The following PCDHA4 variants were observed in gnomAD, a reference collection of about 807,000 sequenced individuals.
PCDHA4 encodes the protein protocadherin alpha 4.
A neutral mutation model predicts 61.4 loss-of-function variants in PCDHA4; 49 were observed. The ratio of observed to expected loss-of-function variants is 0.80; its 90% CI spans 0.63 to 1.01. The LOEUF is 1.01. Among genes scored for constraint, PCDHA4 ranks in the 50% least tolerant of loss-of-function variants. The probability of loss-of-function intolerance (pLI) is 0.00; values close to 1 mark genes in which losing one functional copy is unlikely to be tolerated. For synonymous variants in PCDHA4, 590 were observed against 550.3 expected, an observed-to-expected ratio of 1.07 and a Z score of -1.01; for missense variants, 1,254 against 1,235.8, an observed-to-expected ratio of 1.01 and a Z score of -0.22.
chr5:140,824,002 G>T (rs1554129685), intron 1 of PCDHA4: 7 of 1,614,092 alleles, frequency 4.3e-6, no homozygotes, highest in Non-Finnish European at 5.9e-6. Flanking sequence ...GTGCTCCAGC[G>T]CGGTGGGGAG....
intron 1 of PCDHA4, chr5:140,836,792 G>T (rs2150269946): frequency 7.1e-7 from 1 of 1,416,460 alleles, no homozygotes; most frequent in Non-Finnish European, 9.6e-7. Context: ...AGTTCAATTG[G>T]TCTCCTTAAA....
chr5:140,884,339 G>C, intron 1 of PCDHA4: 1 of 1,613,906 alleles, frequency 6.2e-7, no homozygotes, highest in African/African-American at 1.3e-5. Flanking sequence ...GGGTCCAGAA[G>C]CGGCGCTGGT....
chr5:140,857,812 C>T lies in PCDHA4; in HGVS notation c.2385+48240C>T. ...TGCTGCGGTCGGTGGTTGCGGGTCACGTGGTGGCTAAGGTGCGCGCAGTGG... is the reference window on the plus strand; with the variant it reads ...TGCTGCGGTCGGTGGTTGCGGGTCATGTGGTGGCTAAGGTGCGCGCAGTGG... On this transcript the variant is annotated intron_variant, in intron 1 of 3. Transcript: ENST00000530339. 3.1e-6 allele frequency: 5 copies of T among 1,597,698 alleles called. 1 individual carries two copies. The highest frequency in any genetic ancestry group is 2.2e-5 in the East Asian group (1 of 44,814).
At chr5:140,818,969 G>C (rs1766467642) in intron 1 of PCDHA4, among the ~76,000 whole-genome samples, 1 of 152,210 alleles carries the variant, frequency 6.6e-6, no homozygotes, top group Non-Finnish European at 1.5e-5. Flanking sequence ...TCAGGGATAT[G>C]TTAGAACTAT....
intron 1 of PCDHA4, chr5:140,814,803 A>C (rs1554126605): frequency 1.3e-5 from 2 of 152,094 alleles, no homozygotes; most frequent in Non-Finnish European, 2.9e-5. Context: ...ACAACACTTG[A>C]CTTTATTGTA....
intron 1 of PCDHA4, chr5:140,870,927 T>C (rs782446287): frequency 1.9e-6 from 3 of 1,613,880 alleles, no homozygotes; most frequent in Non-Finnish European, 2.5e-6. Context: ...GGCTTTCATA[T>C]GAATTGCAGC....
chr5:140,894,584 T>G (rs1554186162), intron 1 of PCDHA4, among the ~76,000 whole-genome samples: 1 of 152,006 alleles, frequency 6.6e-6, no homozygotes, highest in Non-Finnish European at 1.5e-5. Flanking sequence ...TTTTAATATT[T>G]TACTGAGTTT....
At chr5:140,856,019 C>G in intron 1 of PCDHA4, 1 of 1,551,820 alleles carries the variant, frequency 6.4e-7, no homozygotes, top group Non-Finnish European at 8.7e-7. Flanking sequence ...ACCGCTGATT[C>G]GTCGATTTGT....
intron 1 of PCDHA4, chr5:140,927,510 G>A: frequency 1.9e-6 from 3 of 1,614,090 alleles, no homozygotes; most frequent in Non-Finnish European, 2.5e-6. Flanking sequence ...TTACAGCTCG[G>A]GACGGCGGGC....
chr5:140,838,087 T>TA (rs1775519591), intron 1 of PCDHA4, among the ~76,000 whole-genome samples: 48 of 97,638 alleles, frequency 4.9e-4, no homozygotes, highest in South Asian at 9.2e-4. Flanking sequence ...AGTGTGTGTG[T>TA]GTGTGTGTGT....
intron 1 of PCDHA4, chr5:140,926,922 T>A: frequency 6.4e-7 from 1 of 1,570,576 alleles, no homozygotes; most frequent in Non-Finnish European, 8.7e-7. Flanking sequence ...CAGTTTTATG[T>A]TTGTGGGTTT....
chr5:140,884,241 C>A (rs782355331), intron 1 of PCDHA4: 5 of 1,613,408 alleles, frequency 3.1e-6, no homozygotes, highest in Non-Finnish European at 4.2e-6. Flanking sequence ...GGTGAGCCCG[C>A]GCTGACGGCC....
chr5:140,969,450 G>GTA (rs782343162), intron 1 of PCDHA4: 4 of 1,511,552 alleles, frequency 2.6e-6, no homozygotes, highest in Non-Finnish European at 3.6e-6. Flanking sequence ...GGTAAACTGA[G>GTA]TATATATAGT....
At position 140,835,760 on chromosome 5, in the gene PCDHA4, G is replaced by A. The variant is rs2150244250; in HGVS notation, c.2385+26188G>A. On this transcript the variant is annotated intron_variant, in intron 1 of 3. Coordinates refer to ENST00000530339, the MANE Select transcript of PCDHA4 (RefSeq NM_018907.4). ...ACGCCCCGGCGTTCGCGCAGCCCGAGTATACGGTGTTCGTGAAGGAGAACA... is the reference window on the plus strand; with the variant it reads ...ACGCCCCGGCGTTCGCGCAGCCCGAATATACGGTGTTCGTGAAGGAGAACA... 15 of 1,613,420 alleles carry A rather than the reference G, an allele frequency of 9.3e-6. 1 individual carries two copies. The East Asian group carries it at 3.3e-4, about 36-fold the overall frequency.
At chr5:141,004,857 A>C (rs987029522) in intron 3 of PCDHA4, among the ~76,000 whole-genome samples, 2 of 152,150 alleles carry the variant, frequency 1.3e-5, no homozygotes, top group African/African-American at 4.8e-5. Context: ...TCAGAGAAAA[A>C]ATTTGTTTCT....
rs1554124019 is a variant in PCDHA4 at position 140,807,450 on chromosome 5, C to A, written c.263C>A (p.Ser88Tyr). ...NLQNGILFVN[S>Y]RIDREELCRR... Reference sequence around the variant, plus strand: ...CAGAATGGCATTTTGTTTGTGAATTCTCGGATCGACCGGGAGGAGCTGTGC... The same window carrying A: ...CAGAATGGCATTTTGTTTGTGAATTATCGGATCGACCGGGAGGAGCTGTGC... The change falls in exon 1 of 4, where the codon TCT becomes TAT. Residue 88 changes from serine (S) to tyrosine (Y), a missense_variant. Physicochemically the swap from Ser to Tyr is moderately radical, Grantham distance 144 (BLOSUM62 -2). Transcript: ENST00000530339. 1 of 1,606,840 alleles carries A rather than the reference C, an allele frequency of 6.2e-7. No homozygotes were observed. The highest frequency in any genetic ancestry group is 1.7e-5 in the Admixed American group (1 of 59,196).
intron 1 of PCDHA4, chr5:140,850,221 G>A: frequency 1.9e-6 from 3 of 1,593,734 alleles, no homozygotes; most frequent in South Asian, 2.2e-5. Context: ...CACTGACGGC[G>A]CAGTGAGCGA....
At chr5:140,929,592 C>A in intron 1 of PCDHA4, 1 of 424,552 alleles carries the variant, frequency 2.4e-6, no homozygotes, top group Non-Finnish European at 4.2e-6. Flanking sequence ...ACATAAAGGT[C>A]TAAAATTAAA....
intron 1 of PCDHA4, chr5:140,868,947 A>T: frequency 7.7e-7 from 1 of 1,290,598 alleles, no homozygotes; most frequent in Non-Finnish European, 1.1e-6. Flanking sequence ...CTGAACAGTG[A>T]GGCACTCCCA....
Sources: allele counts gnomAD v4.1 joint callset (sites outside exome capture counted in the v4.1 genomes callset), GRCh38; gene constraint gnomAD v4.1.1; transcripts MANE v1.5; gene names NCBI Gene and HGNC (gene_info 2026-07-23, HGNC 2026-07-21).